The following GATAD2A variants were observed in gnomAD, a reference collection of about 807,000 sequenced individuals.
The protein encoded by GATAD2A is transcriptional repressor p66-alpha.
In GATAD2A, 12 loss-of-function variants were observed where a neutral mutation model predicts 68.5. That is an observed-to-expected ratio of 0.18 (90% CI 0.11 to 0.28). The LOEUF is 0.28. Ranked by LOEUF, GATAD2A falls within the 10% of genes least tolerant of loss-of-function variation. The pLI is 1.00. For missense variants in GATAD2A, 755 were observed against 868.5 expected (o/e 0.87, Z 1.64); for synonymous variants, 410 against 375.3 (o/e 1.09, Z -1.07).
chr19:19,401,139 C>CA (rs750599017), upstream of GATAD2A, among the ~76,000 whole-genome samples: 8,686 of 41,878 alleles, frequency 0.21, 1,027 homozygotes, highest in Non-Finnish European at 0.27. Context: ...GACTCTGTCT[C>CA]AAAAAAAAAA....
intron 1 of GATAD2A, among the ~76,000 whole-genome samples, chr19:19,411,779 C>T (rs1227016411): frequency 6.6e-6 from 1 of 152,196 alleles, no homozygotes; most frequent in Non-Finnish European, 1.5e-5. Context: ...CTTTGCCTCT[C>T]CATTTACCTC....
At chr19:19,501,484 G>T in intron 9 of GATAD2A, 68 bp downstream of exon 9, 1 of 1,223,268 alleles carries the variant, frequency 8.2e-7, no homozygotes. Context: ...TCCACCCCAC[G>T]CCTGCGCTGC....
intron 1 of GATAD2A, among the ~76,000 whole-genome samples, chr19:19,443,272 C>T (rs566421200): frequency 6.6e-6 from 1 of 152,282 alleles, no homozygotes; most frequent in South Asian, 2.1e-4. Context: ...TGTGCTTCCA[C>T]AGGGACACGC....
At position 19,501,201 on chromosome 19, in the gene GATAD2A, C is replaced by G; in HGVS notation, c.1288C>G (p.Arg430Gly). The G allele has an allele frequency of 6.2e-7, 1 of 1,613,438 alleles. No individual in the cohort carries two copies. Among genetic ancestry groups the G allele is most frequent in the Non-Finnish European group, 8.5e-7 (1 of 1,179,932 alleles). ...QCKTDFTCRW[R>G]EEKSGAIMCE... Reference sequence around the variant, plus strand: ...CAAGACGGACTTCACGTGCCGCTGGCGGGAGGAGAAGAGCGGCGCCATCAT... The same window carrying G: ...CAAGACGGACTTCACGTGCCGCTGGGGGGAGGAGAAGAGCGGCGCCATCAT... The change falls in exon 9 of 12, where the codon CGG (arginine) becomes GGG (glycine). Residue 430 changes from arginine (R) to glycine (G), a missense_variant. Arg to Gly is a moderately radical substitution (Grantham distance 125). Transcript: ENST00000683918.
intron 1 of GATAD2A, among the ~76,000 whole-genome samples, chr19:19,461,411 G>T (rs28720066): frequency 0.12 from 17,818 of 152,208 alleles, 1,069 homozygotes; most frequent in South Asian, 0.17. Flanking sequence ...GGTGCCTTCT[G>T]TTTGTCCCCC....
At chr19:19,386,256 C>G (rs796838686) in intron 1 of GATAD2A, 14 of 152,844 alleles carry the variant, frequency 9.2e-5, no homozygotes, top group African/African-American at 3.4e-4. Context: ...CACAGCACTT[C>G]CCCCTCAGGG....
chr19:19,386,584 CTCTAGAGGATCCGTGCCTT>C (rs2048442114), intron 1 of GATAD2A, among the ~76,000 whole-genome samples: 1 of 151,690 alleles, frequency 6.6e-6, no homozygotes, highest in Non-Finnish European at 1.5e-5. Flanking sequence ...AACGCTGCCT[CTCTAGAGGATCCGTGCCTT>C]TCTAGAGGAT....
At chr19:19,456,203 G>A (rs894401816) in intron 1 of GATAD2A, among the ~76,000 whole-genome samples, 1 of 151,350 alleles carries the variant, frequency 6.6e-6, no homozygotes, top group African/African-American at 2.4e-5. Flanking sequence ...CTTGCATTAG[G>A]TGAATCTAGA....
chr19:19,408,902 G>T (rs896978856), intron 1 of GATAD2A, among the ~76,000 whole-genome samples: 2 of 152,160 alleles, frequency 1.3e-5, no homozygotes, highest in Non-Finnish European at 2.9e-5. Flanking sequence ...TAAGGCAAGG[G>T]CTGGTGCAGT....
rs2060556489 is a variant in GATAD2A at position 19,501,955 on chromosome 19, C to T, written c.1504-14C>T. The T allele has an allele frequency of 6.2e-7, 1 of 1,612,098 alleles. No homozygotes were observed. The highest frequency in any genetic ancestry group is 2.2e-5 in the East Asian group (1 of 44,868). On this transcript the variant is annotated splice_polypyrimidine_tract_variant and intron_variant, in intron 9 of 11. Transcript: ENST00000683918. ...GGACCGCACTGACTTTGCTTTCAAC[C>T]CCCGTTTGTGTAGGTCATAAAACCC...
At chr19:19,450,676 G>A (rs1444351596) in intron 1 of GATAD2A, among the ~76,000 whole-genome samples, 2 of 147,074 alleles carry the variant, frequency 1.4e-5, no homozygotes, top group African/African-American at 5.1e-5. Flanking sequence ...TCTTCATCGT[G>A]TTCAGGTGAA....
intron 1 of GATAD2A, among the ~76,000 whole-genome samples, chr19:19,447,581 C>G (rs2055877686): frequency 6.6e-6 from 1 of 152,218 alleles, no homozygotes; most frequent in Non-Finnish European, 1.5e-5. Flanking sequence ...CCAGCCCTTA[C>G]AGCTGTGCAG....
At chr19:19,465,750 G>T in intron 2 of GATAD2A, 136 bp downstream of exon 2, 1 of 1,037,990 alleles carries the variant, frequency 9.6e-7, no homozygotes, top group Admixed American at 2.6e-5. Context: ...CTCAGCTCGG[G>T]CATCACCCAC....
At chr19:19,468,297 G>A (rs888524643) in intron 2 of GATAD2A, among the ~76,000 whole-genome samples, 3 of 152,246 alleles carry the variant, frequency 2.0e-5, no homozygotes, top group Admixed American at 2.0e-4. Context: ...TAGAGTGGTA[G>A]CAACCCTGCC....
chr19:19,499,053 C>G (rs1013938179), intron 8 of GATAD2A, among the ~76,000 whole-genome samples: 1 of 152,206 alleles, frequency 6.6e-6, no homozygotes, highest in African/African-American at 2.4e-5. Context: ...GCTCTCAGGC[C>G]AATGTGGAGT....
intron 4 of GATAD2A, 130 bp from the exon 5 acceptor site, chr19:19,494,164 C>G (rs1170361364): frequency 3.4e-6 from 2 of 589,608 alleles, no homozygotes; most frequent in East Asian, 5.7e-5. Flanking sequence ...AGCAGAACCT[C>G]TGAGCGCCTG....
At chr19:19,468,624 C>T (rs769098982) in intron 2 of GATAD2A, among the ~76,000 whole-genome samples, 18 of 152,088 alleles carry the variant, frequency 1.2e-4, no homozygotes, top group Non-Finnish European at 1.9e-4. Flanking sequence ...ACTTCTGACT[C>T]GAGACAATGG....
chr19:19,397,937 C>T (rs1210874317), intron 1 of GATAD2A, among the ~76,000 whole-genome samples: 1 of 152,158 alleles, frequency 6.6e-6, no homozygotes, highest in Non-Finnish European at 1.5e-5. Flanking sequence ...GAGTTTTGCT[C>T]TTGTTGCCCA....
chr19:19,492,498 C>G, intron 3 of GATAD2A, 60 bp downstream of exon 3: 1 of 1,611,890 alleles, frequency 6.2e-7, no homozygotes, highest in Non-Finnish European at 8.5e-7. Flanking sequence ...CTCATGACAC[C>G]CTCAGGTGGA....
Sources: gnomAD v4.1 joint callset for allele counts (sites outside exome capture counted in the v4.1 genomes callset) on GRCh38, gnomAD v4.1.1 for gene constraint, MANE v1.5 for transcripts, NCBI Gene and HGNC (gene_info 2026-07-23, HGNC 2026-07-21) for gene names.